The following GOLGB1 variants were observed in gnomAD, a reference collection of about 807,000 sequenced individuals.
GOLGB1 encodes golgin subfamily B member 1.
In GOLGB1, 174 loss-of-function variants were observed where a neutral mutation model predicts 336.9. The observed-to-expected ratio is 0.52, with a 90% CI of 0.46 to 0.59. GOLGB1 has a LOEUF of 0.59. GOLGB1 is among the 20% of genes least tolerant of loss of function. The pLI is 0.00. For synonymous variants in GOLGB1, 1,208 were observed against 1,289.2 expected (o/e 0.94, Z 1.35); for missense variants, 3,331 against 3,645.3 (o/e 0.91, Z 2.22).
chr3:121,690,160 C>A lies in GOLGB1; in HGVS notation c.8694+510G>T, dbSNP rs866214449. Among the ~76,000 whole-genome samples, 3 of 152,176 alleles carry A rather than the reference C, an allele frequency of 2.0e-5. No homozygotes were observed. The South Asian group carries it at 6.2e-4, about 32-fold the overall frequency. On this transcript the variant is annotated intron_variant, in intron 14 of 21. Transcript: ENST00000614479. ...AACTTATTTAAAGGAACTCTTTTTA[C>A]GTCACTTTTTTTTATTTTTGACAAA...
Position 121,707,431 on chromosome 3 carries a change from G to C in GOLGB1, c.1405-4836C>G, listed in dbSNP as rs191069360. ...GAGCTCAGGAGGTTAAAACCAGCCA[G>C]CCTAGGTAACTTAGCAAGACCTCAT... On this transcript the variant is annotated intron_variant, in intron 10 of 21. Transcript: ENST00000614479. 1.7e-3 allele frequency among the ~76,000 whole-genome samples: 262 copies of C among 150,804 alleles called. 1 individual carries two copies. The highest frequency in any genetic ancestry group is 6.3e-3 in the African/African-American group (257 of 41,090).
At chr3:121,728,834 T>C (rs931758803) in intron 4 of GOLGB1, among the ~76,000 whole-genome samples, 6 of 152,204 alleles carry the variant, frequency 3.9e-5, no homozygotes. Flanking sequence ...GAAGAAACCT[T>C]AGAGATAATC....
At chr3:121,679,757 C>T (rs773615707) in intron 15 of GOLGB1, among the ~76,000 whole-genome samples, 4 of 152,178 alleles carry the variant, frequency 2.6e-5, no homozygotes, top group Non-Finnish European at 5.9e-5. Flanking sequence ...CTCTTACAAT[C>T]ACCTAGTGCT....
At position 121,729,210 on chromosome 3, in the gene GOLGB1, T is replaced by A. The variant is rs1346460811; in HGVS notation, c.380A>T (p.Gln127Leu). 1 of 1,608,864 alleles carries A rather than the reference T, an allele frequency of 6.2e-7. No homozygotes were observed. Among genetic ancestry groups the A allele is most frequent in the African/African-American group, 1.3e-5 (1 of 74,534 alleles). The change falls in exon 4 of 22, where the codon CAG (glutamine) becomes CTG (leucine). Residue 127 changes from glutamine to leucine, a missense_variant. Transcript: ENST00000614479. ...TACCTTGGAAAGTTGCTCCTCTGACTGAGGTTCTGTAGGCAGAACAGTCCC... is the reference window on the plus strand; with the variant it reads ...TACCTTGGAAAGTTGCTCCTCTGACAGAGGTTCTGTAGGCAGAACAGTCCC... Reference protein sequence around the residue: ...QGGTVLPTEPQSEEQLSKHDK... With the variant: ...QGGTVLPTEPLSEEQLSKHDK...
In GOLGB1 at chr3:121,727,216, T is replaced by C. The variant is rs114871287; in HGVS notation, c.403-175A>G. ...AAATCTTAGGGTTGTCCAGTTTTTG[T>C]ATGGCCAAGCAGTTCCTGTTAGACC... On this transcript the variant is annotated intron_variant, in intron 4 of 21. Transcript: ENST00000614479. 5.3e-3 allele frequency among the ~76,000 whole-genome samples: 774 copies of C among 147,420 alleles called. 9 individuals carry two copies. Among genetic ancestry groups the C allele is most frequent in the African/African-American group, 0.018 (744 of 40,396 alleles).
rs768885841 is a variant in GOLGB1, at chr3:121,729,859, T to C, written c.249+6A>G. 3 of 1,599,792 alleles carry C rather than the reference T, an allele frequency of 1.9e-6. No homozygotes were observed. The highest frequency in any genetic ancestry group is 2.2e-5 in the East Asian group (1 of 44,800). ...GCTCCACAAGAAAGGATAAAAACAATAGTACCTGTAGAGCTTCATCTTTCT... is the reference window on the plus strand; with the variant it reads ...GCTCCACAAGAAAGGATAAAAACAACAGTACCTGTAGAGCTTCATCTTTCT... On this transcript the variant is annotated splice_donor_region_variant and intron_variant, in intron 3 of 21. Coordinates refer to ENST00000614479, the MANE Select transcript of GOLGB1 (RefSeq NM_001366282.2).
At chr3:121,667,423 G>A (rs1938781574) in intron 20 of GOLGB1, 53 bp downstream of exon 20, 2 of 1,561,166 alleles carry the variant, frequency 1.3e-6, no homozygotes, top group Admixed American at 1.8e-5. Context: ...ATGTACATGA[G>A]TTTGATCAGA....
chr3:121,687,378 CA>C (rs1941862963), intron 14 of GOLGB1, among the ~76,000 whole-genome samples: 1 of 152,176 alleles, frequency 6.6e-6, no homozygotes, highest in South Asian at 2.1e-4. Flanking sequence ...TGCAGTAATA[CA>C]GTAGAGTTTC....
At position 121,669,291 on chromosome 3, in the gene GOLGB1, A is replaced by T; in HGVS notation, c.9242T>A (p.Leu3081His). The T allele has an allele frequency of 6.2e-7, 1 of 1,613,962 alleles. No homozygotes were observed. Among genetic ancestry groups the T allele is most frequent in the Non-Finnish European group, 8.5e-7 (1 of 1,179,800 alleles). ...SIQLCDTSQS[L>H]RENQQHYGDL... ...ACCATAGTGCTGCTGGTTCTCACGA[A>T]GACTCTGACTGGTATCGCAGAGCTG... is the stretch of plus-strand genomic sequence containing the variant. Residue 3081 changes from leucine to histidine, a missense_variant, in exon 18 of 22, where the codon CTT becomes CAT. Leu to His is a moderately conservative substitution (Grantham distance 99). Transcript: ENST00000614479.
chr3:121,720,998 T>A (rs890935963), intron 6 of GOLGB1, among the ~76,000 whole-genome samples: 1 of 152,172 alleles, frequency 6.6e-6, no homozygotes. Context: ...TTAACACATG[T>A]ATGTATCTTG....
In GOLGB1 at chr3:121,677,423, A is replaced by G. The variant is rs369397547; in HGVS notation, c.8901T>C (p.His2967=). Residue 2967 remains histidine, a synonymous_variant, in exon 16 of 22, where the codon CAT becomes CAC. Transcript: ENST00000614479. ...LRMEKSSWEI[H]ERRMKEQYLM... ...GGTACTGTTCCTTCATTCTCCTCTC[A>G]TGTATTTCCCAGGAACTCTTCTCCA... The G allele has an allele frequency of 9.9e-6, 16 of 1,609,406 alleles. No homozygotes were observed. The highest frequency in any genetic ancestry group is 1.3e-5 in the African/African-American group (1 of 74,804).
chr3:121,692,048 G>A lies in GOLGB1; in HGVS notation c.7316C>T (p.Ala2439Val). ...NIVLEEENKK[A>V]VDKTNQLMET... is the part of the protein sequence containing the mutation. ...CATAAGCTGATTGGTTTTATCAACA[G>A]CCTTTTTGTTCTCCTCTTCTAAAAC... The change falls in exon 14 of 22, where the codon GCT becomes GTT. Residue 2439 changes from alanine (A) to valine (V), a missense_variant. Transcript: ENST00000614479. The A allele has an allele frequency of 1.2e-6, 2 of 1,612,662 alleles. No individual in the cohort carries two copies. Among genetic ancestry groups the A allele is most frequent in the Non-Finnish European group, 8.5e-7 (1 of 1,179,638 alleles).
In GOLGB1 at chr3:121,729,961, C is replaced by T. The variant is rs763527971; in HGVS notation, c.153G>A (p.Gln51=). 7 of 1,609,652 alleles carry T rather than the reference C, an allele frequency of 4.3e-6. No homozygotes were observed. Among genetic ancestry groups the T allele is most frequent in the Non-Finnish European group, 6.0e-6 (7 of 1,176,108 alleles). Reference sequence around the variant, plus strand: ...ATTGCTCTGCATAAGCCAGGCGCTCCTGAACATCTTCTTGTGTAGTATTAT... The same window carrying T: ...ATTGCTCTGCATAAGCCAGGCGCTCTTGAACATCTTCTTGTGTAGTATTAT... ...EFNNTTQEDV[Q]ERLAYAEQLV... is the part of the protein sequence containing the mutation. The change falls in exon 3 of 22, where the codon CAG becomes CAA. Residue 51 remains glutamine, a synonymous_variant. Transcript: ENST00000614479.
rs776444608 is a variant in GOLGB1 at position 121,698,321 on chromosome 3, C to T, written c.2202G>A (p.Lys734=). The T allele has an allele frequency of 6.2e-7, 1 of 1,613,950 alleles. No individual in the cohort carries two copies. Among genetic ancestry groups the T allele is most frequent in the Admixed American group, 1.7e-5 (1 of 59,996 alleles). ...CACTGCTGTTGTTGTCAGCATTTTTCTTAAACTCCTCAATCAACTGGTTTA... is the reference window on the plus strand; with the variant it reads ...CACTGCTGTTGTTGTCAGCATTTTTTTTAAACTCCTCAATCAACTGGTTTA... ...SNLNQLIEEF[K]KNADNNSSAF... is the part of the protein sequence containing the mutation. Residue 734 remains lysine, a synonymous_variant, in exon 13 of 22, where the codon AAG becomes AAA. Coordinates refer to ENST00000614479, the MANE Select transcript of GOLGB1 (RefSeq NM_001366282.2).
intron 20 of GOLGB1, among the ~76,000 whole-genome samples, chr3:121,666,242 A>AATT (rs1334636674): frequency 1.3e-5 from 2 of 152,180 alleles, no homozygotes; most frequent in Non-Finnish European, 2.9e-5. Flanking sequence ...GGCAGCCCTT[A>AATT]ATTAGCTACC....
rs750444253 is a variant in GOLGB1, at chr3:121,695,002, T to C, written c.5521A>G (p.Asn1841Asp). The change falls in exon 13 of 22, where the codon AAT (asparagine) becomes GAT (aspartate). Residue 1841 changes from asparagine to aspartate, a missense_variant. Coordinates refer to ENST00000614479, the MANE Select transcript of GOLGB1 (RefSeq NM_001366282.2). Reference sequence around the variant, plus strand: ...TGATCAATCTGCTGTAGGTAGTTATTAATTTCATCATGTGAGCTGAAATCC... The same window carrying C: ...TGATCAATCTGCTGTAGGTAGTTATCAATTTCATCATGTGAGCTGAAATCC... ...SKDFSSHDEI[N>D]NYLQQIDQLK... The C allele has an allele frequency of 1.9e-6, 3 of 1,614,064 alleles. No individual in the cohort carries two copies. The Admixed American group carries it at 5.0e-5, about 27-fold the overall frequency.
chr3:121,735,669 G>C (rs941792206), intron 1 of GOLGB1, among the ~76,000 whole-genome samples: 2 of 152,172 alleles, frequency 1.3e-5, no homozygotes, highest in Non-Finnish European at 2.9e-5. Context: ...TAGAGTCAGA[G>C]ATATCAGTAT....
chr3:121,738,919 T>G (rs1266913965), intron 1 of GOLGB1, among the ~76,000 whole-genome samples: 3 of 152,164 alleles, frequency 2.0e-5, no homozygotes, highest in African/African-American at 7.2e-5. Context: ...TTAGAAAAGC[T>G]GTATAAAATC....
chr3:121,713,222 A>G (rs1944492493), intron 10 of GOLGB1, among the ~76,000 whole-genome samples: 1 of 152,142 alleles, frequency 6.6e-6, no homozygotes, highest in Admixed American at 6.5e-5. Flanking sequence ...ATAAAGCTAA[A>G]TACATAGGTA....
Sources: allele counts gnomAD v4.1 joint callset (sites outside exome capture counted in the v4.1 genomes callset), GRCh38; gene constraint gnomAD v4.1.1; transcripts MANE v1.5; gene names NCBI Gene and HGNC (gene_info 2026-07-23, HGNC 2026-07-21).